CSMD3: variants seen among roughly 807,000 people sequenced by gnomAD.
The protein encoded by CSMD3 is CUB and sushi domain-containing protein 3.
In CSMD3, 177 loss-of-function variants were observed where a neutral mutation model predicts 435.2. That is an observed-to-expected ratio of 0.41 (90% CI 0.36 to 0.46). CSMD3 has a LOEUF of 0.46. Among genes scored for constraint, CSMD3 ranks in the 20% least tolerant of loss-of-function variants. The pLI, the probability that CSMD3 is intolerant of heterozygous loss-of-function variation, is 0.34. For missense variants in CSMD3, 4,265 were observed against 4,504.6 expected, an observed-to-expected ratio of 0.95 and a Z score of 1.52; for synonymous variants, 1,656 against 1,520.5, an observed-to-expected ratio of 1.09 and a Z score of -2.07.
At chr8:112,347,696 A>T (rs1468531234) in intron 40 of CSMD3, among the ~76,000 whole-genome samples, 1 of 152,132 alleles carries the variant, frequency 6.6e-6, no homozygotes, top group Non-Finnish European at 1.5e-5. Flanking sequence ...AACCAAATCA[A>T]TTTTCAATGA....
chr8:113,082,813 A>G (rs867677922), intron 5 of CSMD3, among the ~76,000 whole-genome samples: 20 of 152,172 alleles, frequency 1.3e-4, no homozygotes, highest in African/African-American at 4.1e-4. Context: ...AAATTAAAAA[A>G]TACAATTGAG....
intron 32 of CSMD3, among the ~76,000 whole-genome samples, chr8:112,468,895 A>C (rs555949359): frequency 2.5e-3 from 383 of 152,230 alleles, no homozygotes; most frequent in African/African-American, 8.7e-3. Context: ...AGAATCCTGC[A>C]GGATGAATAT....
At chr8:113,433,858 C>CTG (rs146375804) in intron 1 of CSMD3, among the ~76,000 whole-genome samples, 1 of 151,434 alleles carries the variant, frequency 6.6e-6, no homozygotes, top group Non-Finnish European at 1.5e-5. Flanking sequence ...AAACCTCTGC[C>CTG]TGTGTGTGTG....
intron 1 of CSMD3, among the ~76,000 whole-genome samples, chr8:113,432,796 C>A (rs1213612697): frequency 6.6e-6 from 1 of 152,198 alleles, no homozygotes; most frequent in Non-Finnish European, 1.5e-5. Flanking sequence ...GTGGTCGCAG[C>A]GCCACTGGCC....
At chr8:112,563,278 A>G (rs917095924) in intron 24 of CSMD3, among the ~76,000 whole-genome samples, 3 of 151,980 alleles carry the variant, frequency 2.0e-5, no homozygotes, top group Admixed American at 6.6e-5. Flanking sequence ...CAACTTTAGA[A>G]GAATGCTTTA....
intron 5 of CSMD3, among the ~76,000 whole-genome samples, chr8:113,037,786 C>T (rs543181699): frequency 6.7e-6 from 1 of 149,582 alleles, no homozygotes; most frequent in Non-Finnish European, 1.5e-5. Flanking sequence ...TATGCAAAGG[C>T]AAAACAAAAA....
intron 32 of CSMD3, among the ~76,000 whole-genome samples, chr8:112,469,635 G>A (rs1480601221): frequency 2.0e-5 from 3 of 152,046 alleles, no homozygotes. Context: ...TTCACAACAG[G>A]GTTTGCACTC....
At chr8:112,897,065 G>C (rs1313831198) in intron 10 of CSMD3, among the ~76,000 whole-genome samples, 1 of 151,270 alleles carries the variant, frequency 6.6e-6, no homozygotes, top group East Asian at 2.0e-4. Context: ...ATACCTTTTA[G>C]TCATCTTTGA....
intron 31 of CSMD3, among the ~76,000 whole-genome samples, chr8:112,483,996 A>G (rs1819879841): frequency 1.3e-5 from 2 of 152,190 alleles, no homozygotes; most frequent in Admixed American, 1.3e-4. Context: ...GTTGAAGGTC[A>G]AGGTGGATGT....
chr8:112,937,116 G>C (rs903992466), intron 9 of CSMD3, among the ~76,000 whole-genome samples: 2 of 152,046 alleles, frequency 1.3e-5, no homozygotes, highest in African/African-American at 4.8e-5. Context: ...TACCCAACTT[G>C]AGTATTTTTA....
chr8:112,848,424 T>A (rs1587468598), intron 11 of CSMD3, among the ~76,000 whole-genome samples: 1 of 152,070 alleles, frequency 6.6e-6, no homozygotes, highest in African/African-American at 2.4e-5. Context: ...TAATTAATTA[T>A]TTTATTTATA....
At chr8:112,704,537 A>G (rs779306233) in intron 13 of CSMD3, among the ~76,000 whole-genome samples, 1 of 152,082 alleles carries the variant, frequency 6.6e-6, no homozygotes, top group African/African-American at 2.4e-5. Context: ...TATGGGACCT[A>G]TGAATTTGGA....
chr8:112,371,885 G>C (rs556439969), intron 38 of CSMD3, among the ~76,000 whole-genome samples: 13 of 151,224 alleles, frequency 8.6e-5, no homozygotes, highest in Non-Finnish European at 1.8e-4. Context: ...GTGAGACTCT[G>C]TCTCAAAAAA....
intron 1 of CSMD3, among the ~76,000 whole-genome samples, chr8:113,330,463 G>A (rs760106513): frequency 5.3e-5 from 8 of 151,808 alleles, no homozygotes; most frequent in Non-Finnish European, 1.2e-4. Flanking sequence ...TGCCTTGTCA[G>A]TAATAACATC....
intron 49 of CSMD3, among the ~76,000 whole-genome samples, chr8:112,312,661 G>A (rs1330432630): frequency 6.6e-6 from 1 of 152,098 alleles, no homozygotes; most frequent in Non-Finnish European, 1.5e-5. Context: ...GTAATATGCT[G>A]TCAGTCACAA....
intron 4 of CSMD3, among the ~76,000 whole-genome samples, chr8:113,146,841 A>G (rs1197922841): frequency 6.6e-6 from 1 of 151,706 alleles, no homozygotes; most frequent in Non-Finnish European, 1.5e-5. Flanking sequence ...AAGTCTCCAG[A>G]AATACTGAGG....
intron 30 of CSMD3, among the ~76,000 whole-genome samples, chr8:112,495,810 T>C (rs757913734): frequency 4.6e-5 from 7 of 152,064 alleles, no homozygotes; most frequent in Non-Finnish European, 7.4e-5. Context: ...GTATTTTGCC[T>C]CCTTACAGTC....
intron 6 of CSMD3, among the ~76,000 whole-genome samples, chr8:112,990,111 A>G (rs893535894): frequency 1.3e-5 from 2 of 152,104 alleles, no homozygotes; most frequent in East Asian, 3.9e-4. Flanking sequence ...ATGTGAGTCA[A>G]TTAAAATTTT....
At chr8:112,678,171 C>A (rs1286189088) in intron 16 of CSMD3, among the ~76,000 whole-genome samples, 1 of 152,084 alleles carries the variant, frequency 6.6e-6, no homozygotes, top group Non-Finnish European at 1.5e-5. Flanking sequence ...GATTATGATT[C>A]CTGATCTGTG....
Sources: allele counts gnomAD v4.1 joint callset (sites outside exome capture counted in the v4.1 genomes callset), GRCh38; gene constraint gnomAD v4.1.1; transcripts MANE v1.5; gene names NCBI Gene and HGNC (gene_info 2026-07-23, HGNC 2026-07-21).